The following FA2H variants were observed in gnomAD, a reference collection of about 807,000 sequenced individuals.
The protein encoded by FA2H is fatty acid 2-hydroxylase.
Under a neutral mutation model 44.9 loss-of-function variants are expected in FA2H, and 22 were observed. The observed-to-expected ratio is 0.49, with a 90% CI of 0.35 to 0.70. FA2H has a LOEUF of 0.70. Among genes scored for constraint, FA2H ranks in the 30% least tolerant of loss-of-function variants. The pLI is 0.01. For missense variants in FA2H, 501 were observed against 504.9 expected, an observed-to-expected ratio of 0.99 and a Z score of 0.07; for synonymous variants, 243 against 213.2, an observed-to-expected ratio of 1.14 and a Z score of -1.22.
intron 1 of FA2H, among the ~76,000 whole-genome samples, chr16:74,762,420 C>A (rs1331614360): frequency 6.6e-6 from 1 of 152,234 alleles, no homozygotes; most frequent in Non-Finnish European, 1.5e-5. Flanking sequence ...AACTAAAAAT[C>A]AGTGCAACAC....
At chr16:74,731,612 T>G (rs1438417170) in intron 2 of FA2H, among the ~76,000 whole-genome samples, 1 of 151,874 alleles carries the variant, frequency 6.6e-6, no homozygotes, top group Non-Finnish European at 1.5e-5. Context: ...CCTTGACCTC[T>G]GAAGATCAAA....
intron 1 of FA2H, among the ~76,000 whole-genome samples, chr16:74,772,710 C>T (rs1457036004): frequency 6.6e-6 from 1 of 152,190 alleles, no homozygotes; most frequent in Non-Finnish European, 1.5e-5. Flanking sequence ...CCCTTATCCA[C>T]GGTTTCACTT....
At chr16:74,732,102 T>C (rs1372560824) in intron 2 of FA2H, among the ~76,000 whole-genome samples, 1 of 152,174 alleles carries the variant, frequency 6.6e-6, no homozygotes, top group African/African-American at 2.4e-5. Flanking sequence ...TAGGCTGGTC[T>C]CGAGCTCCTG....
chr16:74,755,078 G>A lies in FA2H; in HGVS notation c.271-14963C>T, dbSNP rs535645350. On this transcript the variant is annotated intron_variant, in intron 1 of 6. Coordinates refer to ENST00000219368, the MANE Select transcript of FA2H (RefSeq NM_024306.5). ...AGGGGCTTGAAGTGGATTCTTCCTC[G>A]CAGCCTCTAGAGGGAACCAACCCTG... 3.9e-5 allele frequency among the ~76,000 whole-genome samples: 6 copies of A among 152,060 alleles called. No individual in the cohort carries two copies. In the South Asian group the frequency reaches 6.2e-4, roughly 16 times the overall value.
chr16:74,739,272 A>T (rs1355980739), intron 2 of FA2H, among the ~76,000 whole-genome samples: 1 of 152,236 alleles, frequency 6.6e-6, no homozygotes, highest in East Asian at 1.9e-4. Context: ...CATGCAGGGT[A>T]GGGGTTTATG....
At chr16:74,766,644 G>C (rs184969397) in intron 1 of FA2H, among the ~76,000 whole-genome samples, 36 of 115,096 alleles carry the variant, frequency 3.1e-4, no homozygotes, top group East Asian at 2.5e-3. Flanking sequence ...GAAAACTAAG[G>C]GGGGGGGCTC....
chr16:74,741,556 G>A (rs1962295253), intron 1 of FA2H, among the ~76,000 whole-genome samples: 1 of 151,874 alleles, frequency 6.6e-6, no homozygotes, highest in Non-Finnish European at 1.5e-5. Context: ...TGTCTTCTGG[G>A]CCTAGGCCAT....
chr16:74,769,542 G>A (rs1000206718), intron 1 of FA2H, among the ~76,000 whole-genome samples: 8 of 152,148 alleles, frequency 5.3e-5, no homozygotes, highest in Non-Finnish European at 8.8e-5. Flanking sequence ...GGTAAAAGGC[G>A]AAAGACTTAT....
At chr16:74,761,108 TTAAAA>T (rs1962699450) in intron 1 of FA2H, among the ~76,000 whole-genome samples, 1 of 151,914 alleles carries the variant, frequency 6.6e-6, no homozygotes, top group African/African-American at 2.4e-5. Flanking sequence ...ACCCCTAAAG[TTAAAA>T]TAAAAGTTGG....
chr16:74,725,845 G>A (rs947844010), intron 4 of FA2H: 1 of 346,570 alleles, frequency 2.9e-6, no homozygotes, highest in Non-Finnish European at 5.7e-6. Context: ...AGGCCAGTCC[G>A]AGTCTAGCTC....
intron 1 of FA2H, among the ~76,000 whole-genome samples, chr16:74,766,552 C>A (rs954855909): frequency 2.0e-5 from 3 of 152,018 alleles, no homozygotes; most frequent in African/African-American, 7.2e-5. Context: ...CAGAGGAAGA[C>A]CTGCCCAAGA....
intron 1 of FA2H, among the ~76,000 whole-genome samples, chr16:74,773,309 T>C (rs1173283361): frequency 6.6e-6 from 1 of 152,112 alleles, no homozygotes; most frequent in East Asian, 1.9e-4. Flanking sequence ...TTGTTGTTAA[T>C]CTCTTCCTAT....
At chr16:74,721,764 G>A (rs1413975077) in intron 4 of FA2H, among the ~76,000 whole-genome samples, 1 of 152,144 alleles carries the variant, frequency 6.6e-6, no homozygotes, top group Non-Finnish European at 1.5e-5. Context: ...GAGAGGCCCT[G>A]GGGTTGGGGA....
intron 6 of FA2H, among the ~76,000 whole-genome samples, chr16:74,715,110 C>T (rs990521236): frequency 3.3e-5 from 5 of 151,788 alleles, no homozygotes; most frequent in African/African-American, 9.7e-5. Flanking sequence ...AGTGTGTTAC[C>T]GGAAAATGTT....
intron 1 of FA2H, among the ~76,000 whole-genome samples, chr16:74,751,835 G>T (rs946534422): frequency 9.2e-5 from 14 of 152,142 alleles, no homozygotes; most frequent in Non-Finnish European, 1.8e-4. Flanking sequence ...TGTCTAATAT[G>T]GCTGGTGGTT....
chr16:74,732,046 T>TTTGTTTGA (rs1419138936), intron 2 of FA2H, among the ~76,000 whole-genome samples: 1 of 152,018 alleles, frequency 6.6e-6, no homozygotes, highest in African/African-American at 2.4e-5. Context: ...CTAATTGTTT[T>TTTGTTTGA]TTGTTTGTTT....
At chr16:74,760,365 T>C (rs1354441913) in intron 1 of FA2H, among the ~76,000 whole-genome samples, 1 of 152,236 alleles carries the variant, frequency 6.6e-6, no homozygotes, top group Non-Finnish European at 1.5e-5. Context: ...TAAACTAAAA[T>C]TGTCTAAATT....
chr16:74,719,120 G>T lies in FA2H; in HGVS notation c.654C>A (p.Leu218=), dbSNP rs770149919. 1 of 1,613,794 alleles carries T rather than the reference G, an allele frequency of 6.2e-7. No homozygotes were observed. The highest frequency in any genetic ancestry group is 1.3e-5 in the African/African-American group (1 of 74,940). ...VAVPKSMFPG[L]FMLGTFLWSL... The stretch of plus-strand genomic sequence containing the variant: ...TCCAGAGGAATGTCCCCAGCATGAA[G>T]AGCCCGGGGAACATGGACTTGGGCA... The change falls in exon 5 of 7, where the codon CTC becomes CTA. Residue 218 remains leucine, a synonymous_variant. Transcript: ENST00000219368.
At chr16:74,774,323 C>T (rs997426136) in intron 1 of FA2H, among the ~76,000 whole-genome samples, 163 bp downstream of exon 1, 8 of 151,918 alleles carry the variant, frequency 5.3e-5, no homozygotes, top group African/African-American at 1.7e-4. Context: ...TTGGAGGGGA[C>T]GACAGTGACC....
Sources: allele counts gnomAD v4.1 joint callset (sites outside exome capture counted in the v4.1 genomes callset), GRCh38; gene constraint gnomAD v4.1.1; transcripts MANE v1.5; gene names NCBI Gene and HGNC (gene_info 2026-07-23, HGNC 2026-07-21).